Variants in CACNA2D1 observed in about 807,000 individuals in gnomAD.
CACNA2D1 encodes voltage-dependent calcium channel subunit alpha-2/delta-1.
CACNA2D1 carries 53 observed loss-of-function variants against 171.5 expected under a neutral mutation model. The observed-to-expected ratio is 0.31, with a 90% CI of 0.25 to 0.39. The LOEUF (loss-of-function observed/expected upper bound fraction) is 0.39, where lower values mean the gene tolerates loss of function less well. Among genes scored for constraint, CACNA2D1 ranks in the 10% least tolerant of loss-of-function variants. The probability of loss-of-function intolerance (pLI) is 1.00; values close to 1 mark genes in which losing one functional copy is unlikely to be tolerated. For missense variants in CACNA2D1, 903 were observed against 1,299.8 expected (o/e 0.69, Z 4.69); for synonymous variants, 442 against 443.1 (o/e 1.00, Z 0.03).
intron 6 of CACNA2D1, among the ~76,000 whole-genome samples, chr7:82,093,674 T>C (rs79563067): frequency 6.6e-6 from 1 of 152,086 alleles, no homozygotes; most frequent in Non-Finnish European, 1.5e-5. Flanking sequence ...ATATTCCAAG[T>C]GTTCCAGAAA....
intron 24 of CACNA2D1, among the ~76,000 whole-genome samples, chr7:81,979,677 C>T (rs1191316387): frequency 1.3e-5 from 2 of 152,116 alleles, no homozygotes; most frequent in Non-Finnish European, 2.9e-5. Flanking sequence ...TAATGTTCTC[C>T]TTAATACTGA....
intron 4 of CACNA2D1, among the ~76,000 whole-genome samples, chr7:82,169,037 C>T (rs1358543465): frequency 6.6e-6 from 1 of 152,004 alleles, no homozygotes; most frequent in East Asian, 1.9e-4. Context: ...TTACCATGCA[C>T]GCTTTATGTT....
chr7:82,305,896 G>A (rs1371190705), intron 3 of CACNA2D1, among the ~76,000 whole-genome samples: 6 of 152,118 alleles, frequency 3.9e-5, no homozygotes, highest in Non-Finnish European at 7.4e-5. Context: ...CTGTCAGGCT[G>A]ACAGAAAGGT....
At chr7:82,238,424 A>T (rs1271940278) in intron 3 of CACNA2D1, among the ~76,000 whole-genome samples, 2 of 152,134 alleles carry the variant, frequency 1.3e-5, no homozygotes, top group Non-Finnish European at 2.9e-5. Context: ...AACAAAGGAC[A>T]TGAACAGACA....
chr7:82,371,845 G>A (rs909452095), intron 1 of CACNA2D1, among the ~76,000 whole-genome samples: 7 of 152,080 alleles, frequency 4.6e-5, no homozygotes, highest in African/African-American at 1.7e-4. Context: ...GATTACAGAC[G>A]TGAGCCACCA....
At chr7:82,195,446 G>T (rs1787631564) in intron 3 of CACNA2D1, among the ~76,000 whole-genome samples, 1 of 151,974 alleles carries the variant, frequency 6.6e-6, no homozygotes, top group Non-Finnish European at 1.5e-5. Context: ...AGATTGGAGG[G>T]ATAGTGGTGA....
rs189426823 is a variant in CACNA2D1 at position 82,126,417 on chromosome 7, T to C, written c.397-9244A>G. On this transcript the variant is annotated intron_variant, in intron 5 of 38. Coordinates refer to ENST00000356860, the MANE Select transcript of CACNA2D1 (RefSeq NM_000722.4). ...GATTCATTATACTATTTCTCTCTTC[T>C]GTATATTTAAAATCTTTTTCCTGAT... Among the ~76,000 whole-genome samples, 65 of 152,328 alleles carry C rather than the reference T, an allele frequency of 4.3e-4. 2 individuals are homozygous for C. The highest frequency in any genetic ancestry group is 2.9e-3 in the Admixed American group (44 of 15,298).
In CACNA2D1 at chr7:81,948,935, T is replaced by C. The variant is rs536373070; in HGVS notation, c.*1457A>G. Reference sequence around the variant, plus strand: ...AACCATTTTCACCAATGAGGCTGTATAAAAAACAACTTTTATTATTCACAA... The same window carrying C: ...AACCATTTTCACCAATGAGGCTGTACAAAAAACAACTTTTATTATTCACAA... On this transcript the variant is annotated 3_prime_UTR_variant, in exon 39 of 39. Coordinates refer to ENST00000356860, the MANE Select transcript of CACNA2D1 (RefSeq NM_000722.4). The C allele has an allele frequency of 1.3e-5, 2 of 152,106 alleles. No individual in the cohort carries two copies. Among genetic ancestry groups the C allele is most frequent in the African/African-American group, 4.8e-5 (2 of 41,558 alleles). 9.4% of individuals were successfully genotyped at this position (152,106 alleles called of 1,614,324 possible). A position where few individuals can be genotyped will look rare whatever the true frequency, so the allele number is the denominator to read the frequency against.
chr7:82,325,021 C>T (rs1304029059), intron 3 of CACNA2D1, among the ~76,000 whole-genome samples: 2 of 152,144 alleles, frequency 1.3e-5, no homozygotes, highest in African/African-American at 2.4e-5. Context: ...CTTGGCCTTT[C>T]GCTGTCAGCA....
At chr7:82,128,503 C>T (rs998037363) in intron 5 of CACNA2D1, among the ~76,000 whole-genome samples, 2 of 152,102 alleles carry the variant, frequency 1.3e-5, no homozygotes, top group African/African-American at 4.8e-5. Flanking sequence ...CTGACTAATT[C>T]GGATGCAGCT....
chr7:82,412,078 T>C (rs929957365), intron 1 of CACNA2D1, among the ~76,000 whole-genome samples: 8 of 152,062 alleles, frequency 5.3e-5, no homozygotes, highest in South Asian at 2.1e-4. Flanking sequence ...TAAACTTTGA[T>C]CAAGACACCA....
intron 3 of CACNA2D1, among the ~76,000 whole-genome samples, chr7:82,192,829 C>T (rs903613653): frequency 1.3e-5 from 2 of 150,122 alleles, no homozygotes; most frequent in Admixed American, 6.7e-5. Context: ...AAACACTATA[C>T]ATTTGATCTC....
intron 5 of CACNA2D1, among the ~76,000 whole-genome samples, chr7:82,121,873 A>C (rs1257944210): frequency 6.6e-6 from 1 of 152,156 alleles, no homozygotes; most frequent in East Asian, 1.9e-4. Flanking sequence ...AACTCCTTAG[A>C]TTTACTCTGG....
chr7:81,965,665 C>A lies in CACNA2D1; in HGVS notation c.2503G>T (p.Val835Leu). The change falls in exon 32 of 39, where the codon GTA (valine) becomes TTA (leucine). Residue 835 changes from valine to leucine, a missense_variant and splice_region_variant. This residue lies in a region of CACNA2D1 where 623 missense variants were observed against 925.5 expected (regional missense o/e 0.67). Transcript: ENST00000356860. Reference sequence around the variant, plus strand: ...TCATCCAGAATCACACAATCCATTACCTATCAAAATAAAGTGAACAGTTAA... The same window carrying A: ...TCATCCAGAATCACACAATCCATTAACTATCAAAATAAAGTGAACAGTTAA... ...PVCDCKRNSD[V>L]MDCVILDDGG... The A allele has an allele frequency of 6.3e-7, 1 of 1,578,296 alleles. No homozygotes were observed. Among genetic ancestry groups the A allele is most frequent in the African/African-American group, 1.3e-5 (1 of 74,166 alleles).
chr7:82,410,978 A>G (rs1005133374), intron 1 of CACNA2D1, among the ~76,000 whole-genome samples: 6 of 152,212 alleles, frequency 3.9e-5, no homozygotes, highest in African/African-American at 1.4e-4. Context: ...TTCACTTTGA[A>G]GATATTTTTT....
At chr7:82,370,043 T>C (rs1469358196) in intron 1 of CACNA2D1, among the ~76,000 whole-genome samples, 1 of 152,098 alleles carries the variant, frequency 6.6e-6, no homozygotes, top group African/African-American at 2.4e-5. Flanking sequence ...GTTAGAAAGT[T>C]CTTTAACTTT....
intron 38 of CACNA2D1, among the ~76,000 whole-genome samples, chr7:81,952,615 G>A (rs763377614): frequency 6.6e-6 from 1 of 151,930 alleles, no homozygotes; most frequent in South Asian, 2.1e-4. Flanking sequence ...GTACTCTTCT[G>A]GTTTTTCTTG....
At chr7:82,219,491 A>C (rs972850790) in intron 3 of CACNA2D1, among the ~76,000 whole-genome samples, 1 of 152,070 alleles carries the variant, frequency 6.6e-6, no homozygotes. Context: ...GACATTTAAT[A>C]TATAAGAATT....
At chr7:82,119,203 T>C (rs997875266) in intron 5 of CACNA2D1, among the ~76,000 whole-genome samples, 2 of 152,126 alleles carry the variant, frequency 1.3e-5, no homozygotes, top group East Asian at 3.9e-4. Flanking sequence ...CTTCCAGTGT[T>C]TTCTTTTCAA....
Sources: allele counts gnomAD v4.1 joint callset (sites outside exome capture counted in the v4.1 genomes callset), GRCh38; gene constraint gnomAD v4.1.1; regional missense constraint gnomAD v4.1.1; transcripts MANE v1.5; gene names NCBI Gene and HGNC (gene_info 2026-07-23, HGNC 2026-07-21).